UMPS: variants seen among roughly 807,000 people sequenced by gnomAD.
UMPS encodes uridine 5'-monophosphate synthase.
UMPS carries 21 observed loss-of-function variants against 38.9 expected under a neutral mutation model. That is an observed-to-expected ratio of 0.54 (90% confidence interval 0.38 to 0.78). The LOEUF is 0.78. Ranked by LOEUF, UMPS falls within the 30% of genes least tolerant of loss-of-function variation. The probability of loss-of-function intolerance (pLI) is 0.00; values close to 1 mark genes in which losing one functional copy is unlikely to be tolerated. For synonymous variants in UMPS, 208 were observed against 219.3 expected (o/e 0.95, Z 0.45); for missense variants, 533 against 591.6 (o/e 0.90, Z 1.03).
chr3:124,738,940 CAG>C (rs1366163677), intron 3 of UMPS, among the ~76,000 whole-genome samples: 1 of 152,184 alleles, frequency 6.6e-6, no homozygotes, highest in African/African-American at 2.4e-5. Flanking sequence ...AACCTGGTAA[CAG>C]ATATTTGGTT....
chr3:124,735,089 A>G lies in UMPS; in HGVS notation c.157-4A>G, dbSNP rs1224759388. On this transcript the variant is annotated splice_region_variant and splice_polypyrimidine_tract_variant and intron_variant, in intron 1 of 5. Coordinates refer to ENST00000232607, the MANE Select transcript of UMPS (RefSeq NM_000373.4). ...ACATTGTTTATGTGTTCATTTTCTT[A>G]CAGGTTGCAGATATTTTATTCCAAA... 3.1e-6 allele frequency: 5 copies of G among 1,612,792 alleles called. No individual in the cohort carries two copies. In the East Asian group the frequency reaches 8.9e-5, roughly 29 times the overall value.
intron 1 of UMPS, among the ~76,000 whole-genome samples, chr3:124,731,115 A>G (rs2150889973): frequency 6.6e-6 from 1 of 152,182 alleles, no homozygotes. Flanking sequence ...CTGAGGTGGG[A>G]GGATCACCTG....
At chr3:124,743,733 G>A (rs1171432211) in intron 5 of UMPS, among the ~76,000 whole-genome samples, 182 bp from the exon 6 acceptor site, 2 of 152,156 alleles carry the variant, frequency 1.3e-5, no homozygotes, top group African/African-American at 4.8e-5. Flanking sequence ...TCCATTTGAC[G>A]TCTCTGGCCT....
Position 124,748,325 on chromosome 3 carries a change from T to C in UMPS, c.*4241T>C, listed in dbSNP as rs949158937. The C allele has an allele frequency of 8.8e-6, 4 of 453,942 alleles. No homozygotes were observed. Among genetic ancestry groups the C allele is most frequent in the Admixed American group, 4.7e-5 (2 of 42,562 alleles). The allele number at this position is 453,942 out of a possible 1,614,324, so 28.1% of individuals were successfully genotyped here. A position where few individuals can be genotyped will look rare whatever the true frequency, so the allele number is the denominator to read the frequency against. On this transcript the variant is annotated 3_prime_UTR_variant, in exon 6 of 6. Transcript: ENST00000232607. ...AGGATGTAGAATGCCATATTTTTCT[T>C]AGATCATAGGGCCTTTCACATTTGT...
At position 124,746,139 on chromosome 3, in the gene UMPS, A is replaced by C. The variant is rs1191929771; in HGVS notation, c.*2055A>C. 1 of 453,852 alleles carries C rather than the reference A, an allele frequency of 2.2e-6. No homozygotes were observed. The highest frequency in any genetic ancestry group is 4.4e-6 in the Non-Finnish European group (1 of 226,680). 28.1% of individuals were successfully genotyped at this position (453,852 alleles called of 1,614,324 possible). On this transcript the variant is annotated 3_prime_UTR_variant, in exon 6 of 6. Transcript: ENST00000232607. ...AGTCACATGCTCCTGTCCTTTAGAA[A>C]TGTGGGCTCCTGCCATCTCCAGGAC...
At position 124,744,268 on chromosome 3, in the gene UMPS, T is replaced by C; in HGVS notation, c.*184T>C. ...TATTGAGTAATTTGTAATCACCGCA[T>C]TGATACTATAATAAGTTCATTCTTA... On this transcript the variant is annotated 3_prime_UTR_variant, in exon 6 of 6. Coordinates refer to ENST00000232607, the MANE Select transcript of UMPS (RefSeq NM_000373.4). 1 of 738,694 alleles carries C rather than the reference T, an allele frequency of 1.4e-6. No homozygotes were observed. The allele number at this position is 738,694 out of a possible 1,614,324, so 45.8% of individuals were successfully genotyped here.
rs2063467783 is a variant in UMPS at position 124,730,523 on chromosome 3, G to A, written c.52G>A (p.Val18Met). The change falls in exon 1 of 6, where the codon GTG becomes ATG. Residue 18 changes from valine (V) to methionine (M), a missense_variant. Val to Met is a conservative substitution (Grantham distance 21, BLOSUM62 1). Coordinates refer to ENST00000232607, the MANE Select transcript of UMPS (RefSeq NM_000373.4). ...GCCATTGGTGACGGGTCTGTACGAC[G>A]TGCAGGCTTTCAAGTTTGGGGACTT... Reference protein sequence around the residue: ...LGPLVTGLYDVQAFKFGDFVL... With the variant: ...LGPLVTGLYDMQAFKFGDFVL... 6.2e-7 allele frequency: 1 copy of A among 1,614,168 alleles called. No individual in the cohort carries two copies. The highest frequency in any genetic ancestry group is 8.5e-7 in the Non-Finnish European group (1 of 1,180,006).
intron 3 of UMPS, among the ~76,000 whole-genome samples, chr3:124,739,609 C>T (rs1339152887): frequency 6.6e-6 from 1 of 152,222 alleles, no homozygotes; most frequent in Non-Finnish European, 1.5e-5. Context: ...ACTGGGATTA[C>T]AAGCATGAGC....
In UMPS at chr3:124,748,535, A is replaced by G. The variant is rs951066279; in HGVS notation, c.*4451A>G. On this transcript the variant is annotated 3_prime_UTR_variant, in exon 6 of 6. Transcript: ENST00000232607. ...TTGCCTAGCCCTTTCCTTCCCACCA[A>G]GGGGGAAAGTCTTCCTCTAGACAAG... 3.5e-5 allele frequency: 16 copies of G among 453,962 alleles called. No homozygotes were observed. Among genetic ancestry groups the G allele is most frequent in the Non-Finnish European group, 1.3e-5 (3 of 226,782 alleles). 28.1% of individuals were successfully genotyped at this position (453,962 alleles called of 1,614,324 possible). A position where few individuals can be genotyped will look rare whatever the true frequency, so the allele number is the denominator to read the frequency against.
intron 4 of UMPS, among the ~76,000 whole-genome samples, chr3:124,741,099 C>T (rs762483882): frequency 8.0e-4 from 122 of 152,040 alleles, no homozygotes; most frequent in Non-Finnish European, 7.6e-4. Context: ...TCATATGGCC[C>T]TACAGTCAGG....
In UMPS at chr3:124,745,711, G is replaced by A. The variant is rs1346877826; in HGVS notation, c.*1627G>A. ...AGTTGGCCCTCAGGGCTACTCTGGG[G>A]AAGCCAAAAGTCATGAAGGGGAGAA... On this transcript the variant is annotated 3_prime_UTR_variant, in exon 6 of 6. Transcript: ENST00000232607. 1 of 454,122 alleles carries A rather than the reference G, an allele frequency of 2.2e-6. No individual in the cohort carries two copies. The allele number at this position is 454,122 out of a possible 1,614,324, so 28.1% of individuals were successfully genotyped here.
chr3:124,738,796 T>G (rs963647791), intron 3 of UMPS: 4 of 155,622 alleles, frequency 2.6e-5, no homozygotes, highest in African/African-American at 7.2e-5. Flanking sequence ...GATTTTTCTT[T>G]TATCAAATAG....
At position 124,737,263 on chromosome 3, in the gene UMPS, T is replaced by TA. The variant is rs920043859; in HGVS notation, c.311-295dup. ...TATGATAAAACAGATTTTTTTAAAG[T>TA]AAAAAAAAAACCTCTCTATTTGAAA... is the stretch of plus-strand genomic sequence containing the variant. On this transcript the variant is annotated intron_variant, in intron 2 of 5. Coordinates refer to ENST00000232607, the MANE Select transcript of UMPS (RefSeq NM_000373.4). 2,107 of 290,088 alleles carry TA rather than the reference T, an allele frequency of 7.3e-3. 1 individual carries two copies. Among genetic ancestry groups the TA allele is most frequent in the South Asian group, 0.012 (318 of 27,504 alleles). The allele number at this position is 290,088 out of a possible 1,614,324, so 18.0% of individuals were successfully genotyped here.
rs1390628032 is a variant in UMPS, at chr3:124,745,300, T to A, written c.*1216T>A. On this transcript the variant is annotated 3_prime_UTR_variant, in exon 6 of 6. Transcript: ENST00000232607. ...CCCACCTGCAGGAAGTGGCACAGGA[T>A]CAGCCATTTCCCCACCCTTGTCAGC... The A allele has an allele frequency of 2.2e-6, 1 of 453,826 alleles. No homozygotes were observed. Among genetic ancestry groups the A allele is most frequent in the Non-Finnish European group, 4.4e-6 (1 of 226,748 alleles). The allele number at this position is 453,826 out of a possible 1,614,324, so 28.1% of individuals were successfully genotyped here.
intron 3 of UMPS, among the ~76,000 whole-genome samples, chr3:124,738,906 C>G (rs1376427764): frequency 6.6e-6 from 1 of 152,180 alleles, no homozygotes; most frequent in Non-Finnish European, 1.5e-5. Context: ...TGTGATCAGA[C>G]TATATTTAAT....
At chr3:124,743,227 G>A (rs1244992823) in intron 5 of UMPS, among the ~76,000 whole-genome samples, 3 of 152,206 alleles carry the variant, frequency 2.0e-5, no homozygotes, top group East Asian at 1.9e-4. Context: ...CCAGCTACTC[G>A]GGAGGCTGAG....
chr3:124,747,965 C>A lies in UMPS; in HGVS notation c.*3881C>A. ...AACAGGTGGGTATGAATCGTGTCTTCAGTGCCAGGGCTGAATGAGAAAGGG... is the reference window on the plus strand; with the variant it reads ...AACAGGTGGGTATGAATCGTGTCTTAAGTGCCAGGGCTGAATGAGAAAGGG... On this transcript the variant is annotated 3_prime_UTR_variant, in exon 6 of 6. Coordinates refer to ENST00000232607, the MANE Select transcript of UMPS (RefSeq NM_000373.4). The A allele has an allele frequency of 2.2e-6, 1 of 453,954 alleles. No homozygotes were observed. The highest frequency in any genetic ancestry group is 4.4e-6 in the Non-Finnish European group (1 of 226,728). 28.1% of individuals were successfully genotyped at this position (453,954 alleles called of 1,614,324 possible). A position where few individuals can be genotyped will look rare whatever the true frequency, so the allele number is the denominator to read the frequency against.
rs1437139138 is a variant in UMPS, at chr3:124,744,619, A to G, written c.*535A>G. 4.4e-6 allele frequency: 2 copies of G among 453,684 alleles called. No individual in the cohort carries two copies. Among genetic ancestry groups the G allele is most frequent in the African/African-American group, 4.0e-5 (2 of 49,990 alleles). 28.1% of individuals were successfully genotyped at this position (453,684 alleles called of 1,614,324 possible). On this transcript the variant is annotated 3_prime_UTR_variant, in exon 6 of 6. Transcript: ENST00000232607. Reference sequence around the variant, plus strand: ...GAGATGAGGTCTTGCCATGTTACCCAGGCTGGTCTCAACTCCTGGGCTCAA... The same window carrying G: ...GAGATGAGGTCTTGCCATGTTACCCGGGCTGGTCTCAACTCCTGGGCTCAA...
chr3:124,734,779 G>T (rs2150894012), intron 1 of UMPS, among the ~76,000 whole-genome samples: 1 of 152,284 alleles, frequency 6.6e-6, no homozygotes, highest in South Asian at 2.1e-4. Context: ...CCAGCACTTT[G>T]GGAGGCCGAG....
Sources: allele counts gnomAD v4.1 joint callset (sites outside exome capture counted in the v4.1 genomes callset), GRCh38; gene constraint gnomAD v4.1.1; transcripts MANE v1.5; gene names NCBI Gene and HGNC (gene_info 2026-07-23, HGNC 2026-07-21).